Variants in NCOA7 observed in about 807,000 individuals in gnomAD.
NCOA7 encodes nuclear receptor coactivator 7, also known as 140 kDa estrogen receptor-associated protein.
In NCOA7, 45 loss-of-function variants were observed where a neutral mutation model predicts 104.3. That is an observed-to-expected ratio of 0.43 (90% CI 0.34 to 0.55). NCOA7 has a LOEUF of 0.55. Among genes scored for constraint, NCOA7 ranks in the 20% least tolerant of loss-of-function variants. NCOA7 has a pLI of 0.02. For missense variants in NCOA7, 1,041 were observed against 1,119.7 expected (o/e 0.93, Z 1.00); for synonymous variants, 398 against 402.3 (o/e 0.99, Z 0.13).
chr6:125,928,379 G>C, intron 15 of NCOA7, 132 bp downstream of exon 15: 1 of 865,434 alleles, frequency 1.2e-6, no homozygotes, highest in Non-Finnish European at 1.8e-6. Flanking sequence ...GATGAATTAG[G>C]ACAGAGGCTA....
intron 8 of NCOA7, 117 bp from the exon 9 acceptor site, chr6:125,888,822 A>T (rs1784427001): frequency 1.7e-6 from 1 of 600,296 alleles, no homozygotes; most frequent in Admixed American, 2.9e-5. Context: ...TTAAGTTGTG[A>T]TATATTTATG....
intron 1 of NCOA7, among the ~76,000 whole-genome samples, chr6:125,805,087 CTTTTTTTTTTTTT>C (rs59737297): frequency 2.9e-4 from 17 of 58,050 alleles, no homozygotes; most frequent in Admixed American, 2.5e-3. Flanking sequence ...CCCTCTTGTT[CTTTTTTTTTTTTT>C]TTTTTTTTTT....
At chr6:125,867,832 G>A (rs901860253) in intron 3 of NCOA7, among the ~76,000 whole-genome samples, 3 of 152,144 alleles carry the variant, frequency 2.0e-5, no homozygotes, top group South Asian at 2.1e-4. Flanking sequence ...AAGAAAGGGG[G>A]TGGAGCTCAT....
intron 10 of NCOA7, among the ~76,000 whole-genome samples, chr6:125,913,395 AATCT>A (rs1292285236): frequency 6.6e-6 from 1 of 152,210 alleles, no homozygotes; most frequent in East Asian, 1.9e-4. Flanking sequence ...TATGGAGCAT[AATCT>A]GCTCTACTCA....
At chr6:125,785,361 G>A (rs1255972886) in intron 1 of NCOA7, among the ~76,000 whole-genome samples, 3 of 152,110 alleles carry the variant, frequency 2.0e-5, no homozygotes, top group South Asian at 4.1e-4. Context: ...GGTGAGATCT[G>A]AATAAGCTCT....
chr6:125,838,493 A>G (rs915901452), intron 2 of NCOA7, among the ~76,000 whole-genome samples: 5 of 152,202 alleles, frequency 3.3e-5, no homozygotes, highest in African/African-American at 9.6e-5. Flanking sequence ...CCCCCATGAA[A>G]GACAGCTTTG....
At chr6:125,882,000 C>T (rs891655728) in intron 6 of NCOA7, among the ~76,000 whole-genome samples, 24 of 152,076 alleles carry the variant, frequency 1.6e-4, no homozygotes, top group Admixed American at 1.3e-3. Context: ...ATTACAGGCA[C>T]CGGCCACTAT....
At chr6:125,842,496 G>A (rs675287) in intron 2 of NCOA7, among the ~76,000 whole-genome samples, 1,911 of 152,206 alleles carry the variant, frequency 0.013, 22 homozygotes, top group Non-Finnish European at 0.02. Context: ...AGTAGTCAGA[G>A]AATACAGTTC....
At chr6:125,927,296 A>T (rs1028907396) in intron 13 of NCOA7, among the ~76,000 whole-genome samples, 1 of 152,316 alleles carries the variant, frequency 6.6e-6, no homozygotes, top group Non-Finnish European at 1.5e-5. Context: ...TGTGAGCAAG[A>T]TGTATCTTCT....
intron 1 of NCOA7, among the ~76,000 whole-genome samples, chr6:125,800,045 A>T (rs1775744519): frequency 6.6e-6 from 1 of 152,230 alleles, no homozygotes; most frequent in African/African-American, 2.4e-5. Context: ...GTTTAATTGC[A>T]GAGAGCACCA....
At chr6:125,830,305 A>G (rs527731905) in intron 2 of NCOA7, among the ~76,000 whole-genome samples, 8 of 152,332 alleles carry the variant, frequency 5.3e-5, no homozygotes, top group Admixed American at 2.0e-4. Context: ...AACCTTTTCC[A>G]GGATGAGTAT....
chr6:125,908,083 C>G (rs1304592277), intron 10 of NCOA7, among the ~76,000 whole-genome samples: 2 of 152,180 alleles, frequency 1.3e-5, no homozygotes, highest in African/African-American at 2.4e-5. Flanking sequence ...CAAGCAAACC[C>G]AGAGCCTAGA....
chr6:125,910,027 TA>T (rs1202919499), intron 10 of NCOA7, among the ~76,000 whole-genome samples: 1 of 152,142 alleles, frequency 6.6e-6, no homozygotes, highest in Non-Finnish European at 1.5e-5. Context: ...TTACCCAAAT[TA>T]GGGAGACGTT....
At chr6:125,784,353 A>G (rs1390584737) in intron 1 of NCOA7, among the ~76,000 whole-genome samples, 1 of 152,232 alleles carries the variant, frequency 6.6e-6, no homozygotes, top group Non-Finnish European at 1.5e-5. Context: ...CCAAGCAATT[A>G]TGGTATAATA....
At chr6:125,865,044 G>A (rs1434618998) in intron 3 of NCOA7, among the ~76,000 whole-genome samples, 1 of 138,242 alleles carries the variant, frequency 7.2e-6, no homozygotes, top group Non-Finnish European at 1.5e-5. Flanking sequence ...TTCCATGAAT[G>A]TCTCCTTTGT....
At chr6:125,886,163 T>TGA (rs1784241004) in intron 8 of NCOA7, among the ~76,000 whole-genome samples, 1 of 94,740 alleles carries the variant, frequency 1.1e-5, no homozygotes, top group South Asian at 2.7e-4. Context: ...GGGGCTTATA[T>TGA]GAAAAAAAAA....
At chr6:125,810,151 G>C (rs1016588286) in intron 1 of NCOA7, 1 of 152,156 alleles carries the variant, frequency 6.6e-6, no homozygotes, top group Admixed American at 6.5e-5. Flanking sequence ...TGCAAGTTAA[G>C]ACACATGTAC....
intron 2 of NCOA7, among the ~76,000 whole-genome samples, chr6:125,823,178 C>A (rs560042313): frequency 6.6e-6 from 1 of 152,098 alleles, no homozygotes; most frequent in South Asian, 2.1e-4. Context: ...TCAATCCCCC[C>A]GCAAATGGAC....
chr6:125,913,604 A>G, intron 10 of NCOA7: 2 of 948,158 alleles, frequency 2.1e-6, no homozygotes, highest in Non-Finnish European at 1.3e-6. Flanking sequence ...TGTCATATAC[A>G]CTGATACACA....
Sources: gnomAD v4.1 joint callset for allele counts (sites outside exome capture counted in the v4.1 genomes callset) on GRCh38, gnomAD v4.1.1 for gene constraint, MANE v1.5 for transcripts, NCBI Gene and HGNC (gene_info 2026-07-23, HGNC 2026-07-21) for gene names.